The following FBXO33 variants were observed in gnomAD, a reference collection of about 807,000 sequenced individuals.
The protein encoded by FBXO33 is F-box protein 33.
In FBXO33, 22 loss-of-function variants were observed where a neutral mutation model predicts 46.3. The observed-to-expected ratio is 0.48, with a 90% CI of 0.34 to 0.68. The LOEUF is 0.68. FBXO33 is among the 30% of genes least tolerant of loss of function. The pLI is 0.01. For missense variants in FBXO33, 692 were observed against 708.8 expected, an observed-to-expected ratio of 0.98 and a Z score of 0.27; for synonymous variants, 337 against 291.3, an observed-to-expected ratio of 1.16 and a Z score of -1.60.
chr14:39,403,269 C>G (rs2075377180), intron 1 of FBXO33, among the ~76,000 whole-genome samples: 1 of 152,170 alleles, frequency 6.6e-6, no homozygotes, highest in Admixed American at 6.5e-5. Flanking sequence ...GTTTTATGAT[C>G]AAACCATACA....
At chr14:39,428,616 C>T (rs1393500186) in intron 1 of FBXO33, among the ~76,000 whole-genome samples, 1 of 152,136 alleles carries the variant, frequency 6.6e-6, no homozygotes, top group African/African-American at 2.4e-5. Flanking sequence ...CAGATGAAGA[C>T]AATGTGCCTA....
chr14:39,425,179 G>C (rs1322604601), intron 1 of FBXO33, among the ~76,000 whole-genome samples: 1 of 152,150 alleles, frequency 6.6e-6, no homozygotes, highest in Non-Finnish European at 1.5e-5. Flanking sequence ...TCAGACTCCT[G>C]TTAGGACTGT....
At chr14:39,399,878 A>G (rs2075360814) in intron 3 of FBXO33, 91 bp from the exon 4 acceptor site, 6 of 1,350,848 alleles carry the variant, frequency 4.4e-6, no homozygotes, top group Non-Finnish European at 5.9e-6. Flanking sequence ...AAGCTTCTAG[A>G]GAAGCTTCAA....
intron 1 of FBXO33, among the ~76,000 whole-genome samples, chr14:39,411,457 A>C (rs1233330072): frequency 6.6e-6 from 1 of 151,672 alleles, no homozygotes; most frequent in East Asian, 1.9e-4. Context: ...TGCTTTTGCC[A>C]CTTGCTATAA....
chr14:39,404,829 T>G (rs1256203669), intron 1 of FBXO33, among the ~76,000 whole-genome samples: 1 of 151,842 alleles, frequency 6.6e-6, no homozygotes, highest in Non-Finnish European at 1.5e-5. Flanking sequence ...AAGAAAAAAT[T>G]TTGTAAGCTG....
chr14:39,411,219 C>G (rs1357845594), intron 1 of FBXO33, among the ~76,000 whole-genome samples: 3 of 151,496 alleles, frequency 2.0e-5, no homozygotes, highest in Non-Finnish European at 4.4e-5. Flanking sequence ...CCTCAGCCTC[C>G]TAAGTAGCTG....
rs1021885943 is a variant in FBXO33, at chr14:39,398,689, T to C, written c.*827A>G. ...TGACAGAGAAAAATCCAGTGACTTG[T>C]TGCTAGGGATTTCACGACTAATGTT... On this transcript the variant is annotated 3_prime_UTR_variant, in exon 4 of 4. Coordinates refer to ENST00000298097, the MANE Select transcript of FBXO33 (RefSeq NM_203301.4). The C allele has an allele frequency of 6.6e-6, 1 of 152,664 alleles. No individual in the cohort carries two copies. The highest frequency in any genetic ancestry group is 1.5e-5 in the Non-Finnish European group (1 of 68,044). 9.5% of individuals were successfully genotyped at this position (152,664 alleles called of 1,614,324 possible).
chr14:39,413,914 G>A (rs528843070), intron 1 of FBXO33, among the ~76,000 whole-genome samples: 2 of 152,304 alleles, frequency 1.3e-5, no homozygotes, highest in Admixed American at 6.5e-5. Context: ...AGTAGATTTA[G>A]CATAATTCTT....
At chr14:39,400,893 T>C (rs1401503644) in intron 3 of FBXO33, among the ~76,000 whole-genome samples, 1 of 152,234 alleles carries the variant, frequency 6.6e-6, no homozygotes, top group Non-Finnish European at 1.5e-5. Flanking sequence ...CACAGGTATG[T>C]GTGCTTTCTT....
chr14:39,421,848 A>T (rs2075486548), intron 1 of FBXO33, among the ~76,000 whole-genome samples: 1 of 152,002 alleles, frequency 6.6e-6, no homozygotes, highest in African/African-American at 2.4e-5. Context: ...ATAACCAAAA[A>T]GGGGAAAAAT....
intron 1 of FBXO33, among the ~76,000 whole-genome samples, chr14:39,418,903 T>C (rs756317224): frequency 4.9e-4 from 74 of 152,044 alleles, no homozygotes; most frequent in Non-Finnish European, 9.3e-4. Flanking sequence ...GTTAGAAATA[T>C]GCCATTCAAA....
chr14:39,432,056 C>A lies in FBXO33; in HGVS notation c.107G>T (p.Arg36Leu). The A allele has an allele frequency of 8.2e-7, 1 of 1,221,452 alleles. No individual in the cohort carries two copies. The highest frequency in any genetic ancestry group is 2.8e-5 in the South Asian group (1 of 35,338). 75.7% of individuals were successfully genotyped at this position (1,221,452 alleles called of 1,614,324 possible). Residue 36 changes from arginine to leucine, a missense_variant, in exon 1 of 4, where the codon CGA (arginine) becomes CTA (leucine). Physicochemically the swap from Arg to Leu is moderately radical, Grantham distance 102 (BLOSUM62 -2). Transcript: ENST00000298097. The part of the protein sequence containing the change: ...RWRRLRLQQL[R>L]RLRGLLRVLR... ...TACCCGGAGCAGCCCCCGCAGCCGT[C>A]GCAGCTGCTGCAGCCGCAGCCGCCG...
At position 39,432,082 on chromosome 14, in the gene FBXO33, C is replaced by G; in HGVS notation, c.81G>C (p.Trp27Cys). Residue 27 changes from tryptophan (W) to cysteine (C), a missense_variant, in exon 1 of 4, where the codon TGG becomes TGC. Around this residue, in one of 3 missense-constraint regions of FBXO33, gnomAD observed 412 missense variants for 370.8 expected, o/e 1.11. Transcript: ENST00000298097. ...GCAGCTGCTGCAGCCGCAGCCGCCG[C>G]CACCGCGCCACCCGGGCGGCCCCGG... ...TRAGAARVAR[W>C]RRLRLQQLRR... The G allele has an allele frequency of 8.1e-7, 1 of 1,242,090 alleles. No individual in the cohort carries two copies. The highest frequency in any genetic ancestry group is 1.0e-6 in the Non-Finnish European group (1 of 995,464). 76.9% of individuals were successfully genotyped at this position (1,242,090 alleles called of 1,614,324 possible). A position where few individuals can be genotyped will look rare whatever the true frequency, so the allele number is the denominator to read the frequency against.
At chr14:39,410,715 G>A (rs73285569) in intron 1 of FBXO33, among the ~76,000 whole-genome samples, 3,291 of 152,254 alleles carry the variant, frequency 0.022, 126 homozygotes, top group African/African-American at 0.076. Context: ...TTTGCTATTG[G>A]TCTGATGGTA....
chr14:39,401,422 T>A lies in FBXO33; in HGVS notation c.1150A>T (p.Met384Leu). The A allele has an allele frequency of 6.2e-7, 1 of 1,614,196 alleles. No homozygotes were observed. Among genetic ancestry groups the A allele is most frequent in the Non-Finnish European group, 8.5e-7 (1 of 1,180,034 alleles). The change falls in exon 3 of 4, where the codon ATG (methionine) becomes TTG (leucine). Residue 384 changes from methionine to leucine, a missense_variant. Met to Leu is a conservative substitution (Grantham distance 15). Around this residue, in one of 3 missense-constraint regions of FBXO33, gnomAD observed 186 missense variants for 246.1 expected, o/e 0.76. Coordinates refer to ENST00000298097, the MANE Select transcript of FBXO33 (RefSeq NM_203301.4). ...ATACTGGGTTTCAGAATCTTTAACA[T>A]ATCTTCACTCTTGATATCAAAAGCC... is the stretch of plus-strand genomic sequence containing the variant. ...IMAFDIKSEDMLKILKPSIPL... is the reference protein window; with the variant it reads ...IMAFDIKSEDLLKILKPSIPL...
chr14:39,405,122 C>T (rs1424463222), intron 1 of FBXO33, among the ~76,000 whole-genome samples: 10 of 111,130 alleles, frequency 9.0e-5, no homozygotes, highest in Admixed American at 3.1e-4. Context: ...GCGTGTGATT[C>T]TGTCTCAAAA....
At chr14:39,412,527 T>C (rs943552461) in intron 1 of FBXO33, among the ~76,000 whole-genome samples, 3 of 152,232 alleles carry the variant, frequency 2.0e-5, no homozygotes, top group Non-Finnish European at 4.4e-5. Flanking sequence ...GGTGATGGAA[T>C]TTAATCCATT....
chr14:39,431,538 C>T, intron 1 of FBXO33, 26 bp downstream of exon 1: 1 of 1,607,422 alleles, frequency 6.2e-7, no homozygotes, highest in Non-Finnish European at 8.5e-7. Flanking sequence ...CGTTACCGGG[C>T]GGGGCGGGGC....
chr14:39,407,333 C>A (rs924035778), intron 1 of FBXO33, among the ~76,000 whole-genome samples: 5 of 152,306 alleles, frequency 3.3e-5, no homozygotes, highest in African/African-American at 1.2e-4. Flanking sequence ...CATGTCAATT[C>A]TCCCCAAATT....
Sources: gnomAD v4.1 joint callset for allele counts (sites outside exome capture counted in the v4.1 genomes callset) on GRCh38, gnomAD v4.1.1 for gene constraint, gnomAD v4.1.1 regional missense constraint, MANE v1.5 for transcripts, NCBI Gene and HGNC (gene_info 2026-07-23, HGNC 2026-07-21) for gene names.